Variants in PRCC observed in about 807,000 individuals in gnomAD.
PRCC encodes proline rich mitotic checkpoint control factor.
PRCC carries 10 observed loss-of-function variants against 44.0 expected under a neutral mutation model. The ratio of observed to expected loss-of-function variants is 0.23; its 90% CI spans 0.14 to 0.39. PRCC has a LOEUF of 0.39. Among genes scored for constraint, PRCC ranks in the 10% least tolerant of loss-of-function variants. PRCC has a pLI of 1.00. For synonymous variants in PRCC, 278 were observed against 259.5 expected (o/e 1.07, Z -0.69); for missense variants, 573 against 624.7 (o/e 0.92, Z 0.88).
chr1:156,785,499 C>T (rs930517607), intron 2 of PRCC, among the ~76,000 whole-genome samples: 7 of 149,604 alleles, frequency 4.7e-5, no homozygotes, highest in Non-Finnish European at 8.9e-5. Flanking sequence ...GGTGATAGAG[C>T]GAGACTCCGA....
intron 1 of PRCC, among the ~76,000 whole-genome samples, chr1:156,779,896 A>AT (rs1039793958): frequency 0.025 from 3,412 of 138,026 alleles, 60 homozygotes; most frequent in East Asian, 0.085. Flanking sequence ...TGCCTGGTCT[A>AT]TTTTTTTTTT....
chr1:156,784,151 G>C (rs896772951), intron 2 of PRCC, among the ~76,000 whole-genome samples: 61 of 152,234 alleles, frequency 4.0e-4, no homozygotes, highest in African/African-American at 1.4e-3. Context: ...GTTTCACCGT[G>C]TTAGCCAGGA....
chr1:156,779,130 T>TATATATATATATATATATA, intron 1 of PRCC, among the ~76,000 whole-genome samples: 1 of 15,892 alleles, frequency 6.3e-5, no homozygotes, highest in African/African-American at 2.4e-4. Flanking sequence ...ATATATATAT[T>TATATATATATATATATATA]TTTTTTTTTT....
At position 156,767,611 on chromosome 1, in the gene PRCC, G is replaced by A. The variant is rs1651441214; in HGVS notation, c.-161G>A. The A allele has an allele frequency of 2.9e-6, 2 of 685,786 alleles. No individual in the cohort carries two copies. The highest frequency in any genetic ancestry group is 4.1e-4 in the Middle Eastern group (1 of 2,438). The allele number at this position is 685,786 out of a possible 1,614,324, so 42.5% of individuals were successfully genotyped here. A position where few individuals can be genotyped will look rare whatever the true frequency, so the allele number is the denominator to read the frequency against. On this transcript the variant is annotated 5_prime_UTR_variant, in exon 1 of 7. Coordinates refer to ENST00000271526, the MANE Select transcript of PRCC (RefSeq NM_005973.5). Reference sequence around the variant, plus strand: ...ACGCCTTGTTCGGTGGAAATCAGCCGTAGCCATGAGTTTCTGCCGGGGCTA... The same window carrying A: ...ACGCCTTGTTCGGTGGAAATCAGCCATAGCCATGAGTTTCTGCCGGGGCTA...
chr1:156,768,315 C>A (rs1009040316), intron 1 of PRCC, 76 bp downstream of exon 1: 5 of 1,409,742 alleles, frequency 3.5e-6, no homozygotes, highest in Non-Finnish European at 4.8e-6. Context: ...GTGGAGATTT[C>A]AGAACTCCTT....
intron 1 of PRCC, among the ~76,000 whole-genome samples, chr1:156,775,354 TG>T (rs1301900532): frequency 6.6e-6 from 1 of 150,384 alleles, no homozygotes; most frequent in African/African-American, 2.5e-5. Flanking sequence ...TTCTTTCTTT[TG>T]TTTTTTTTTT....
chr1:156,794,185 G>A (rs1193811867), intron 4 of PRCC, among the ~76,000 whole-genome samples: 3 of 151,718 alleles, frequency 2.0e-5, no homozygotes, highest in Non-Finnish European at 2.9e-5. Flanking sequence ...TTGAACTCCC[G>A]ACCTCAGGTG....
In PRCC at chr1:156,783,050, A is replaced by G. The variant is rs192666985; in HGVS notation, c.516+721A>G. ...CTTCCGAGTAGCTGGGTTTACAGGC[A>G]TGCGCCACCACACCCGGCTAATTTT... On this transcript the variant is annotated intron_variant, in intron 2 of 6. Transcript: ENST00000271526. 2.6e-5 allele frequency among the ~76,000 whole-genome samples: 4 copies of G among 152,226 alleles called. No homozygotes were observed. In the South Asian group the frequency reaches 8.3e-4, roughly 32 times the overall value.
At chr1:156,786,110 C>T (rs1039444618) in intron 2 of PRCC, among the ~76,000 whole-genome samples, 5 of 151,962 alleles carry the variant, frequency 3.3e-5, no homozygotes, top group Admixed American at 6.6e-5. Context: ...ACTGCCCAGC[C>T]GGGAAGGGAC....
intron 1 of PRCC, among the ~76,000 whole-genome samples, chr1:156,781,723 A>G (rs779467994): frequency 4.6e-5 from 7 of 152,230 alleles, no homozygotes; most frequent in Non-Finnish European, 8.8e-5. Context: ...GTGTCAGACA[A>G]TAGATCATAC....
At chr1:156,771,009 G>A (rs1292073170) in intron 1 of PRCC, among the ~76,000 whole-genome samples, 3 of 152,240 alleles carry the variant, frequency 2.0e-5, no homozygotes, top group African/African-American at 7.2e-5. Flanking sequence ...GAGAAGGACC[G>A]TGATAAGCTG....
intron 1 of PRCC, among the ~76,000 whole-genome samples, chr1:156,775,120 T>C (rs1435880635): frequency 1.3e-5 from 2 of 151,228 alleles, no homozygotes; most frequent in Non-Finnish European, 2.9e-5. Flanking sequence ...TGGTGGCGGG[T>C]GCCTGTAGTC....
At chr1:156,794,100 A>C (rs574628308) in intron 4 of PRCC, among the ~76,000 whole-genome samples, 2 of 150,490 alleles carry the variant, frequency 1.3e-5, no homozygotes, top group Admixed American at 6.6e-5. Flanking sequence ...TGGGATTACA[A>C]GTATGCACCA....
rs756100492 is a variant in PRCC, at chr1:156,786,652, T to G, written c.561T>G (p.Pro187=). 6.2e-7 allele frequency: 1 copy of G among 1,614,064 alleles called. No individual in the cohort carries two copies. The highest frequency in any genetic ancestry group is 8.5e-7 in the Non-Finnish European group (1 of 1,179,968). The part of the protein sequence containing the change: ...GTGLSALLPQ[P]KNLTVKETNR... ...GTTTGTCTGCCTTGCTTCCCCAACC[T>G]AAAAACCTGACTGTGAAAGAGACTA... Residue 187 remains proline, a synonymous_variant, in exon 3 of 7, where the codon CCT becomes CCG. Transcript: ENST00000271526.
At chr1:156,778,032 A>G (rs1006185164) in intron 1 of PRCC, among the ~76,000 whole-genome samples, 2 of 152,226 alleles carry the variant, frequency 1.3e-5, no homozygotes, top group Non-Finnish European at 2.9e-5. Flanking sequence ...TATCACTTCA[A>G]ATGCTTATTT....
intron 1 of PRCC, among the ~76,000 whole-genome samples, chr1:156,777,866 G>A (rs528431794): frequency 6.6e-6 from 1 of 152,132 alleles, no homozygotes; most frequent in South Asian, 2.1e-4. Context: ...CAAGGGGAAG[G>A]ACTTACATGA....
In PRCC at chr1:156,794,790, C is replaced by T. The variant is rs372381309; in HGVS notation, c.1305C>T (p.Thr435=). Residue 435 remains threonine (T), a synonymous_variant, in exon 5 of 7, where the codon ACC becomes ACT. Coordinates refer to ENST00000271526, the MANE Select transcript of PRCC (RefSeq NM_005973.5). ...CTAAGTCATTGACAGAAGAGAAAACCATGAAGTCATTCAGCAAAGTAAGTG... is the reference window on the plus strand; with the variant it reads ...CTAAGTCATTGACAGAAGAGAAAACTATGAAGTCATTCAGCAAAGTAAGTG... ...WMTKSLTEEK[T]MKSFSKKKGE... The T allele has an allele frequency of 1.1e-5, 18 of 1,614,054 alleles. No individual in the cohort carries two copies. The highest frequency in any genetic ancestry group is 1.7e-5 in the Admixed American group (1 of 59,990).
intron 3 of PRCC, 44 bp downstream of exon 3, chr1:156,787,218 T>TGGTG (rs1652286280): frequency 1.3e-6 from 2 of 1,548,126 alleles, no homozygotes; most frequent in Non-Finnish European, 1.8e-6. Context: ...TGTTGGAACA[T>TGGTG]GGTGGTCAAG....
At position 156,794,766 on chromosome 1, in the gene PRCC, T is replaced by G; in HGVS notation, c.1281T>G (p.Thr427=). Residue 427 remains threonine (T), a synonymous_variant, in exon 5 of 7, where the codon ACT becomes ACG. Transcript: ENST00000271526. ...DQLSGAQQWM[T]KSLTEEKTMK... ...TCAGTGGGGCCCAGCAATGGATGAC[T>G]AAGTCATTGACAGAAGAGAAAACCA... 5 of 1,614,194 alleles carry G rather than the reference T, an allele frequency of 3.1e-6. No homozygotes were observed. The South Asian group carries it at 5.5e-5, about 18-fold the overall frequency.
Sources: allele counts gnomAD v4.1 joint callset (sites outside exome capture counted in the v4.1 genomes callset), GRCh38; gene constraint gnomAD v4.1.1; transcripts MANE v1.5; gene names NCBI Gene and HGNC (gene_info 2026-07-23, HGNC 2026-07-21).